The following DYM variants were observed in gnomAD, a reference collection of about 807,000 sequenced individuals.
DYM encodes the protein dymeclin, also known as dyggve-Melchior-Clausen syndrome protein.
DYM carries 78 observed loss-of-function variants against 93.1 expected under a neutral mutation model. The observed-to-expected ratio is 0.84, with a 90% CI of 0.70 to 1.01. The LOEUF (loss-of-function observed/expected upper bound fraction) is 1.01. Among genes scored for constraint, DYM ranks in the 50% least tolerant of loss-of-function variants. DYM has a pLI of 0.00. For synonymous variants in DYM, 321 were observed against 319.7 expected (o/e 1.00, Z -0.04); for missense variants, 789 against 845.0 (o/e 0.93, Z 0.82).
intron 2 of DYM, among the ~76,000 whole-genome samples, chr18:49,429,403 GTAAA>G (rs949248581): frequency 2.0e-5 from 3 of 152,170 alleles, no homozygotes; most frequent in African/African-American, 7.2e-5. Context: ...CTCTTAAAAA[GTAAA>G]TAAAAAATTT....
At chr18:49,276,734 A>G (rs2094855099) in intron 10 of DYM, among the ~76,000 whole-genome samples, 1 of 152,196 alleles carries the variant, frequency 6.6e-6, no homozygotes, top group African/African-American at 2.4e-5. Flanking sequence ...AAGAGCTTTA[A>G]CCTGAGGGCA....
At chr18:49,282,299 T>A (rs1291758415) in intron 9 of DYM, 124 bp from the exon 10 acceptor site, 5 of 1,019,134 alleles carry the variant, frequency 4.9e-6, no homozygotes, top group Non-Finnish European at 7.3e-6. Flanking sequence ...ACATTTCAGA[T>A]TCAAAATTTT....
Position 49,043,880 on chromosome 18 carries a change from A to C in DYM, c.*175T>G. ...CAATACTATCTACGCTGAGTTATCT[A>C]TTGCCAACTAGCACCAATTCTCCAA... On this transcript the variant is annotated 3_prime_UTR_variant, in exon 18 of 18. Transcript: ENST00000675505. 1 of 741,288 alleles carries C rather than the reference A, an allele frequency of 1.3e-6. No homozygotes were observed. Among genetic ancestry groups the C allele is most frequent in the East Asian group, 2.5e-5 (1 of 40,224 alleles). The allele number at this position is 741,288 out of a possible 1,614,324, so 45.9% of individuals were successfully genotyped here. A position where few individuals can be genotyped will look rare whatever the true frequency, so the allele number is the denominator to read the frequency against.
At chr18:49,453,765 C>A (rs556254369) in intron 1 of DYM, among the ~76,000 whole-genome samples, 2 of 152,110 alleles carry the variant, frequency 1.3e-5, no homozygotes, top group Non-Finnish European at 2.9e-5. Flanking sequence ...TTACTAACAC[C>A]GAGTTTGCTA....
intron 2 of DYM, among the ~76,000 whole-genome samples, chr18:49,429,522 C>T (rs2074609674): frequency 6.6e-6 from 1 of 152,052 alleles, no homozygotes; most frequent in Admixed American, 6.6e-5. Flanking sequence ...TATTATTTTT[C>T]ACCTCTGAAA....
At chr18:49,256,071 G>A (rs1457049125) in intron 13 of DYM, among the ~76,000 whole-genome samples, 13 of 129,206 alleles carry the variant, frequency 1.0e-4, no homozygotes, top group African/African-American at 2.6e-4. Flanking sequence ...GTGACAGAGC[G>A]AGACTCCATC....
chr18:49,437,529 T>C (rs1199153395), intron 1 of DYM, among the ~76,000 whole-genome samples: 1 of 152,236 alleles, frequency 6.6e-6, no homozygotes, highest in Admixed American at 6.5e-5. Context: ...TACTATCACT[T>C]ACATAAGCAT....
At chr18:49,344,814 T>G (rs1404728158) in intron 6 of DYM, among the ~76,000 whole-genome samples, 1 of 152,230 alleles carries the variant, frequency 6.6e-6, no homozygotes, top group African/African-American at 2.4e-5. Flanking sequence ...TATAACATGC[T>G]TTAGTGAAGG....
intron 2 of DYM, among the ~76,000 whole-genome samples, chr18:49,393,111 A>AG (rs2069580257): frequency 2.9e-4 from 8 of 27,138 alleles, no homozygotes; most frequent in African/African-American, 1.0e-3. Flanking sequence ...GAAGGAAGGA[A>AG]GGAAGGAAGG....
intron 17 of DYM, among the ~76,000 whole-genome samples, chr18:49,050,831 A>T (rs534294270): frequency 6.6e-6 from 1 of 152,232 alleles, no homozygotes; most frequent in African/African-American, 2.4e-5. Context: ...TGTTTCCCCA[A>T]CTAGAACAAA....
At chr18:49,341,917 C>A (rs1410478869) in intron 6 of DYM, among the ~76,000 whole-genome samples, 1 of 152,150 alleles carries the variant, frequency 6.6e-6, no homozygotes, top group African/African-American at 2.4e-5. Context: ...TCTATCAGCA[C>A]TGTATTAGTT....
At position 49,379,684 on chromosome 18, in the gene DYM, G is replaced by C. The variant is rs2067854444; in HGVS notation, c.268C>G (p.Leu90Val). The C allele has an allele frequency of 6.2e-7, 1 of 1,612,642 alleles. No individual in the cohort carries two copies. The highest frequency in any genetic ancestry group is 8.5e-7 in the Non-Finnish European group (1 of 1,178,992). The change falls in exon 4 of 18, where the codon CTT becomes GTT. Residue 90 changes from leucine to valine, a missense_variant. Coordinates refer to ENST00000675505, the MANE Select transcript of DYM (RefSeq NM_001353214.3). ...VFLSRTKELK[L>V]SAECQNHIFI... ...GCTTACTTCTGACATTCTGCTGAAAGTTTTAGTTCTTTGGTTCTAGAAAGG... is the reference window on the plus strand; with the variant it reads ...GCTTACTTCTGACATTCTGCTGAAACTTTTAGTTCTTTGGTTCTAGAAAGG...
chr18:49,323,759 T>G (rs2062679501), intron 8 of DYM, among the ~76,000 whole-genome samples: 1 of 152,200 alleles, frequency 6.6e-6, no homozygotes, highest in African/African-American at 2.4e-5. Context: ...TTTTGTTACA[T>G]TAGCCCAAGC....
At position 49,079,632 on chromosome 18, in the gene DYM, T is replaced by A. The variant is rs530997770; in HGVS notation, c.2025+17770A>T. 3.7e-3 allele frequency among the ~76,000 whole-genome samples: 560 copies of A among 151,652 alleles called. 5 individuals carry two copies. The highest frequency in any genetic ancestry group is 5.5e-3 in the Non-Finnish European group (376 of 67,786). ...TTAACGAGCATGCTGCCTTCAAGCA[T>A]CTGTTTAACAAAGCACATCTTGCAC... On this transcript the variant is annotated intron_variant, in intron 17 of 17. Transcript: ENST00000675505.
chr18:49,273,170 G>A (rs373274172), intron 10 of DYM, among the ~76,000 whole-genome samples: 1 of 152,178 alleles, frequency 6.6e-6, no homozygotes, highest in African/African-American at 2.4e-5. Context: ...CCTATTGCAG[G>A]AAGCTTTTAA....
chr18:49,191,358 T>C (rs953267456), intron 14 of DYM, among the ~76,000 whole-genome samples: 1 of 152,164 alleles, frequency 6.6e-6, no homozygotes, highest in Non-Finnish European at 1.5e-5. Flanking sequence ...TTGGGTTACC[T>C]TGAAAATCTG....
chr18:49,043,695 G>T lies in DYM; in HGVS notation c.*360C>A, dbSNP rs1033540172. On this transcript the variant is annotated 3_prime_UTR_variant, in exon 18 of 18. Coordinates refer to ENST00000675505, the MANE Select transcript of DYM (RefSeq NM_001353214.3). ...ACGCTTTTGAATAGTGTGCACTGTT[G>T]AATAGTGTGCACTGTTGGATAGTGT... 1 of 278,246 alleles carries T rather than the reference G, an allele frequency of 3.6e-6. No homozygotes were observed. Among genetic ancestry groups the T allele is most frequent in the Non-Finnish European group, 6.9e-6 (1 of 145,266 alleles). 17.2% of individuals were successfully genotyped at this position (278,246 alleles called of 1,614,324 possible). A position where few individuals can be genotyped will look rare whatever the true frequency, so the allele number is the denominator to read the frequency against.
At chr18:49,374,842 C>T (rs2067341971) in intron 5 of DYM, among the ~76,000 whole-genome samples, 1 of 151,980 alleles carries the variant, frequency 6.6e-6, no homozygotes, top group African/African-American at 2.4e-5. Flanking sequence ...GCCTCTAATC[C>T]CAGATACTTG....
chr18:49,174,341 C>G (rs975034832), intron 14 of DYM, among the ~76,000 whole-genome samples: 14 of 152,086 alleles, frequency 9.2e-5, no homozygotes, highest in Non-Finnish European at 1.5e-4. Context: ...TTAATGAAGA[C>G]AGTATTATTA....
Sources: allele counts gnomAD v4.1 joint callset (sites outside exome capture counted in the v4.1 genomes callset), GRCh38; gene constraint gnomAD v4.1.1; transcripts MANE v1.5; gene names NCBI Gene and HGNC (gene_info 2026-07-23, HGNC 2026-07-21).